Variants in C10orf90 observed in about 807,000 individuals in gnomAD.
C10orf90 encodes chromosome 10 open reading frame 90, also known as (E2-independent) E3 ubiquitin-conjugating enzyme FATS.
C10orf90 carries 56 observed loss-of-function variants against 62.5 expected under a neutral mutation model. That is an observed-to-expected ratio of 0.90 (90% confidence interval 0.72 to 1.12). C10orf90 has a LOEUF of 1.12. C10orf90 is among the 50% of genes most tolerant of loss of function. The pLI, the probability that C10orf90 is intolerant of heterozygous loss-of-function variation, is 0.00. For synonymous variants in C10orf90, 386 were observed against 340.4 expected, an observed-to-expected ratio of 1.13 and a Z score of -1.47; for missense variants, 970 against 880.4, an observed-to-expected ratio of 1.10 and a Z score of -1.29.
At chr10:126,452,018 C>A (rs913730352) in intron 7 of C10orf90, among the ~76,000 whole-genome samples, 95 of 152,118 alleles carry the variant, frequency 6.2e-4, no homozygotes, top group African/African-American at 2.2e-3. Flanking sequence ...AGCATGGTGA[C>A]TATAGTTAAT....
At chr10:126,628,614 A>G (rs1898294) in intron 2 of C10orf90, among the ~76,000 whole-genome samples, 86,872 of 151,996 alleles carry the variant, frequency 0.57, 25,152 homozygotes, top group Middle Eastern at 0.69. Context: ...AATGCAAGGC[A>G]AGTTCTATTG....
intron 2 of C10orf90, among the ~76,000 whole-genome samples, chr10:126,645,110 G>C (rs11245075): frequency 7.4e-6 from 1 of 134,704 alleles, no homozygotes; most frequent in East Asian, 2.2e-4. Flanking sequence ...GGGGACTGTT[G>C]TGGGGTGGGA....
At chr10:126,613,156 C>G (rs1271002359) in intron 2 of C10orf90, among the ~76,000 whole-genome samples, 2 of 152,172 alleles carry the variant, frequency 1.3e-5, no homozygotes, top group Admixed American at 6.5e-5. Context: ...AATTACAATA[C>G]TGTATTTTGC....
At chr10:126,623,016 A>C (rs2842159) in intron 2 of C10orf90, among the ~76,000 whole-genome samples, 90,008 of 152,102 alleles carry the variant, frequency 0.59, 26,920 homozygotes, top group Middle Eastern at 0.7. Context: ...ATCATCCTCC[A>C]TGGGAGATGT....
At chr10:126,565,217 T>TTTAATTACATATTATGTAATATAATA (rs1564874218) in intron 2 of C10orf90, among the ~76,000 whole-genome samples, 3 of 17,374 alleles carry the variant, frequency 1.7e-4, no homozygotes, top group African/African-American at 4.1e-4. Flanking sequence ...GTAATATAAT[T>TTTAATTACATATTATGTAATATAATA]TTTATATTAC....
intron 2 of C10orf90, among the ~76,000 whole-genome samples, chr10:126,611,522 T>G (rs1416366853): frequency 6.6e-6 from 1 of 152,190 alleles, no homozygotes; most frequent in Non-Finnish European, 1.5e-5. Flanking sequence ...AGTTGCCAGG[T>G]CATATGGTAA....
At chr10:126,565,033 TAAA>T (rs1844301498) in intron 2 of C10orf90, among the ~76,000 whole-genome samples, 1 of 28,012 alleles carries the variant, frequency 3.6e-5, no homozygotes, top group Non-Finnish European at 5.9e-5. Flanking sequence ...ATATATTATA[TAAA>T]ATATATAATA....
intron 4 of C10orf90, among the ~76,000 whole-genome samples, chr10:126,490,629 T>C (rs537964530): frequency 6.6e-6 from 1 of 152,214 alleles, no homozygotes; most frequent in East Asian, 1.9e-4. Context: ...TGGTAAACTT[T>C]ATATTATGTG....
At chr10:126,655,834 C>CAAAAAAAAAAAAAAAAAAA (rs1195360598) in intron 1 of C10orf90, among the ~76,000 whole-genome samples, 2 of 126,522 alleles carry the variant, frequency 1.6e-5, no homozygotes, top group Non-Finnish European at 3.5e-5. Context: ...CAAAACAAAA[C>CAAAAAAAAAAAAAAAAAAA]AAAACAAAAA....
At chr10:126,588,335 C>G (rs1271579467) in intron 2 of C10orf90, among the ~76,000 whole-genome samples, 2 of 152,236 alleles carry the variant, frequency 1.3e-5, no homozygotes, top group Non-Finnish European at 2.9e-5. Context: ...AAGGGACAGC[C>G]AGACTGCTTC....
rs191131970 is a variant in C10orf90, at chr10:126,448,628, A to G, written c.2188+10412T>C. Reference sequence around the variant, plus strand: ...AAATTGTTTTTTTGAAAAGATAAACAAAATTGACAAATCTCTAGCTAGACT... The same window carrying G: ...AAATTGTTTTTTTGAAAAGATAAACGAAATTGACAAATCTCTAGCTAGACT... On this transcript the variant is annotated intron_variant, in intron 7 of 9. Transcript: ENST00000488181. Among the ~76,000 whole-genome samples, 34 of 152,294 alleles carry G rather than the reference A, an allele frequency of 2.2e-4. No individual in the cohort carries two copies. The East Asian group carries it at 6.2e-3, about 28-fold the overall frequency.
chr10:126,555,235 T>G (rs1864734620), intron 2 of C10orf90, among the ~76,000 whole-genome samples: 1 of 152,088 alleles, frequency 6.6e-6, no homozygotes, highest in Non-Finnish European at 1.5e-5. Flanking sequence ...GTTTATGGGA[T>G]AAATGGATTG....
At chr10:126,551,439 A>G (rs895153774) in intron 2 of C10orf90, among the ~76,000 whole-genome samples, 1 of 152,208 alleles carries the variant, frequency 6.6e-6, no homozygotes, top group Non-Finnish European at 1.5e-5. Flanking sequence ...AGTACACTTC[A>G]TAGTCTTTCA....
At chr10:126,664,335 C>T (rs1846581176) in intron 1 of C10orf90, among the ~76,000 whole-genome samples, 1 of 152,212 alleles carries the variant, frequency 6.6e-6, no homozygotes, top group Non-Finnish European at 1.5e-5. Flanking sequence ...GGGGCCACTT[C>T]TTGGTGCCGT....
At chr10:126,644,626 G>A (rs550356245) in intron 2 of C10orf90, among the ~76,000 whole-genome samples, 246 of 152,310 alleles carry the variant, frequency 1.6e-3, no homozygotes, top group Non-Finnish European at 2.9e-3. Context: ...AGCCTGCACC[G>A]TTAACCTCTA....
intron 7 of C10orf90, among the ~76,000 whole-genome samples, chr10:126,452,413 G>A (rs781456981): frequency 1.2e-4 from 18 of 152,092 alleles, no homozygotes; most frequent in Non-Finnish European, 1.8e-4. Flanking sequence ...AAAATATGGC[G>A]ATTTATAGAT....
At chr10:126,523,030 AGT>A (rs1863817616) in intron 2 of C10orf90, 1 of 152,218 alleles carries the variant, frequency 6.6e-6, no homozygotes. Flanking sequence ...CTCAAAAAAC[AGT>A]GTGTTATTAG....
intron 2 of C10orf90, among the ~76,000 whole-genome samples, chr10:126,516,630 G>A (rs1477763185): frequency 6.6e-6 from 1 of 152,240 alleles, no homozygotes; most frequent in African/African-American, 2.4e-5. Context: ...CTCGTCTCCA[G>A]CAGGGAGGCG....
intron 2 of C10orf90, among the ~76,000 whole-genome samples, chr10:126,546,854 G>A (rs1432151334): frequency 6.6e-6 from 1 of 152,212 alleles, no homozygotes; most frequent in Non-Finnish European, 1.5e-5. Flanking sequence ...ACCAGGTGCG[G>A]TGGCTCAGGC....
Sources: gnomAD v4.1 joint callset for allele counts (sites outside exome capture counted in the v4.1 genomes callset) on GRCh38, gnomAD v4.1.1 for gene constraint, MANE v1.5 for transcripts, NCBI Gene and HGNC (gene_info 2026-07-23, HGNC 2026-07-21) for gene names.